The following SYT2 variants were observed in gnomAD, a reference collection of about 807,000 sequenced individuals.
The protein encoded by SYT2 is synaptotagmin 2, also known as synaptotagmin-2.
Under a neutral mutation model 39.9 loss-of-function variants are expected in SYT2, and 15 were observed. The ratio of observed to expected loss-of-function variants is 0.38; its 90% confidence interval spans 0.25 to 0.58. The LOEUF is 0.58. SYT2 is among the 20% of genes least tolerant of loss of function. The probability of loss-of-function intolerance (pLI) is 0.70; values close to 1 mark genes in which losing one functional copy is unlikely to be tolerated. For missense variants in SYT2, 389 were observed against 530.3 expected (o/e 0.73, Z 2.62); for synonymous variants, 181 against 204.5 (o/e 0.89, Z 0.98).
intron 1 of SYT2, among the ~76,000 whole-genome samples, chr1:202,610,318 T>C (rs6678246): frequency 0.87 from 132,440 of 151,946 alleles, 60,461 homozygotes; most frequent in East Asian, 1. Context: ...AGTCAGGTAC[T>C]GTGATGCCTC....
In SYT2 at chr1:202,622,807, C is replaced by A. The variant is rs142390057; in HGVS notation, c.-17-17018G>T. Among the ~76,000 whole-genome samples, 456 of 152,308 alleles carry A rather than the reference C, an allele frequency of 3.0e-3. 3 individuals are homozygous for A. The highest frequency in any genetic ancestry group is 0.01 in the African/African-American group (435 of 41,554). ...ATTTATTTCTCTCTGAACCTAGACC[C>A]CAGGCATGGATACCCTTAAATCACA... On this transcript the variant is annotated intron_variant, in intron 1 of 8. Coordinates refer to ENST00000367268, the MANE Select transcript of SYT2 (RefSeq NM_177402.5).
chr1:202,639,496 C>T, intron 1 of SYT2: 1 of 985,330 alleles, frequency 1.0e-6, no homozygotes, highest in Non-Finnish European at 1.2e-6. Context: ...TCCCACAGCC[C>T]CTTTCAGTGC....
chr1:202,605,840 C>T (rs950557690), intron 1 of SYT2, 51 bp from the exon 2 acceptor site: 20 of 1,450,462 alleles, frequency 1.4e-5, no homozygotes, highest in Middle Eastern at 3.5e-4. Context: ...GGTCGTCTTA[C>T]CCTGAGAAAG....
At position 202,614,965 on chromosome 1, in the gene SYT2, A is replaced by G. The variant is rs1324991972; in HGVS notation, c.-17-9176T>C. On this transcript the variant is annotated intron_variant, in intron 1 of 8. Transcript: ENST00000367268. This position sits in a 1 kb window ranked among gnomAD's most constrained non-coding sequence, Gnocchi z 4.0. ...CTTTTAGGGTGGGGGCAGGGGTAAC[A>G]TGTACAAATGTATATTTTAAAAGTT... 1.3e-5 allele frequency among the ~76,000 whole-genome samples: 2 copies of G among 152,212 alleles called. No homozygotes were observed. The highest frequency in any genetic ancestry group is 2.9e-5 in the Non-Finnish European group (2 of 68,042).
intron 1 of SYT2, among the ~76,000 whole-genome samples, chr1:202,695,230 C>G (rs980209852): frequency 1.8e-4 from 28 of 152,310 alleles, no homozygotes; most frequent in Admixed American, 1.8e-3. Context: ...TGCTCACACA[C>G]ACAGGGAGAC....
intron 1 of SYT2, among the ~76,000 whole-genome samples, chr1:202,698,118 C>T (rs934497706): frequency 6.8e-6 from 1 of 146,348 alleles, no homozygotes; most frequent in Non-Finnish European, 1.5e-5. Flanking sequence ...CACCACCCCC[C>T]CAAGGAAAGT....
At chr1:202,618,126 T>A (rs1406800544) in intron 1 of SYT2, among the ~76,000 whole-genome samples, 1 of 152,096 alleles carries the variant, frequency 6.6e-6, no homozygotes, top group Non-Finnish European at 1.5e-5. Flanking sequence ...GGTCTCGAAC[T>A]CCTGACCTCA....
At chr1:202,674,300 C>T (rs1207397501) in intron 1 of SYT2, among the ~76,000 whole-genome samples, 1 of 152,072 alleles carries the variant, frequency 6.6e-6, no homozygotes, top group Non-Finnish European at 1.5e-5. Context: ...CAGGGTTTTG[C>T]CATATTGGCC....
chr1:202,633,530 C>A (rs1230727013), intron 1 of SYT2, among the ~76,000 whole-genome samples: 2 of 152,276 alleles, frequency 1.3e-5, no homozygotes, highest in East Asian at 3.9e-4. Context: ...CTTTAACACA[C>A]TGGGTGGGAG....
At chr1:202,613,457 T>C (rs973268067) in intron 1 of SYT2, among the ~76,000 whole-genome samples, 7 of 152,178 alleles carry the variant, frequency 4.6e-5, no homozygotes, top group African/African-American at 1.7e-4. Flanking sequence ...ATTTTCTATA[T>C]ATAGAATCAT....
chr1:202,690,550 T>C (rs1653794484), intron 1 of SYT2, among the ~76,000 whole-genome samples: 1 of 152,188 alleles, frequency 6.6e-6, no homozygotes, highest in Non-Finnish European at 1.5e-5. Context: ...CATGAGTCCC[T>C]CCAGTAATCT....
Position 202,596,769 on chromosome 1 carries a change from G to C in SYT2, c.1248C>G (p.Gly416=). The C allele has an allele frequency of 6.2e-7, 1 of 1,613,772 alleles. No individual in the cohort carries two copies. The highest frequency in any genetic ancestry group is 1.7e-4 in the Middle Eastern group (1 of 6,060). ...CAGCCGCTGCTGTCTACTTGTTCTTGCCCAGGAGTGCATCCACCTCCTCCT... is the reference window on the plus strand; with the variant it reads ...CAGCCGCTGCTGTCTACTTGTTCTTCCCCAGGAGTGCATCCACCTCCTCCT... ...KPEEEVDALL[G]KNK Residue 416 remains glycine, a synonymous_variant, in exon 9 of 9, where the codon GGC becomes GGG. Coordinates refer to ENST00000367268, the MANE Select transcript of SYT2 (RefSeq NM_177402.5).
chr1:202,691,678 AGCGAGG>A (rs1268966507), intron 1 of SYT2, among the ~76,000 whole-genome samples: 12 of 93,220 alleles, frequency 1.3e-4, no homozygotes, highest in African/African-American at 5.1e-4. Context: ...AGGGGGAGGG[AGCGAGG>A]GGGAGAGGGA....
intron 1 of SYT2, among the ~76,000 whole-genome samples, chr1:202,666,025 C>T (rs1056195942): frequency 1.3e-5 from 2 of 151,860 alleles, no homozygotes; most frequent in Non-Finnish European, 2.9e-5. Context: ...TGGTGGCGGG[C>T]GCCTGTAGTC....
chr1:202,604,841 T>C (rs1192915816), intron 2 of SYT2, among the ~76,000 whole-genome samples: 2 of 123,060 alleles, frequency 1.6e-5, no homozygotes, highest in Admixed American at 8.5e-5. Context: ...TTTTTTTTTT[T>C]TTGCCTACTG....
At chr1:202,631,444 G>A (rs1285194348) in intron 1 of SYT2, among the ~76,000 whole-genome samples, 2 of 152,192 alleles carry the variant, frequency 1.3e-5, no homozygotes, top group Non-Finnish European at 2.9e-5. Context: ...AAACAGGAAC[G>A]ACTTAAGTTT....
chr1:202,661,819 G>C lies in SYT2; in HGVS notation c.-18+48439C>G, dbSNP rs546451926. The stretch of plus-strand genomic sequence containing the variant: ...GTGGGGTAACTGAGGCTCAGAGTGG[G>C]ACCCTAATTTGCTCAAAGTTGGTCA... On this transcript the variant is annotated intron_variant, in intron 1 of 8. Coordinates refer to ENST00000367268, the MANE Select transcript of SYT2 (RefSeq NM_177402.5). 5.3e-5 allele frequency among the ~76,000 whole-genome samples: 8 copies of C among 152,328 alleles called. No homozygotes were observed. The South Asian group carries it at 1.7e-3, about 32-fold the overall frequency.
intron 1 of SYT2, among the ~76,000 whole-genome samples, chr1:202,703,763 C>G (rs1354245624): frequency 1.3e-5 from 2 of 152,146 alleles, no homozygotes; most frequent in Non-Finnish European, 2.9e-5. Context: ...AAGGGTTAAG[C>G]TCCTCCCATC....
At chr1:202,653,605 G>A (rs1157786336) in intron 1 of SYT2, among the ~76,000 whole-genome samples, 3 of 152,150 alleles carry the variant, frequency 2.0e-5, no homozygotes, top group Non-Finnish European at 4.4e-5. Context: ...TTGGGAATAG[G>A]GAATGGCGGT....
Sources: allele counts gnomAD v4.1 joint callset (sites outside exome capture counted in the v4.1 genomes callset), GRCh38; gene constraint gnomAD v4.1.1; non-coding constraint Gnocchi (gnomAD v3.1); transcripts MANE v1.5; gene names NCBI Gene and HGNC (gene_info 2026-07-23, HGNC 2026-07-21).